Variants in MYO5A observed in about 807,000 individuals in gnomAD.
MYO5A encodes unconventional myosin-Va.
A neutral mutation model predicts 249.7 loss-of-function variants in MYO5A; 98 were observed. The observed-to-expected ratio is 0.39, with a 90% CI of 0.33 to 0.46. The LOEUF (loss-of-function observed/expected upper bound fraction) is 0.46. Among genes scored for constraint, MYO5A ranks in the 20% least tolerant of loss-of-function variants. The probability of loss-of-function intolerance (pLI) is 0.98; values close to 1 mark genes in which losing one functional copy is unlikely to be tolerated. For synonymous variants in MYO5A, 778 were observed against 810.6 expected (o/e 0.96, Z 0.68); for missense variants, 1,696 against 2,308.8 (o/e 0.73, Z 5.44).
intron 2 of MYO5A, among the ~76,000 whole-genome samples, chr15:52,431,805 T>C (rs1348163934): frequency 6.6e-6 from 1 of 151,768 alleles, no homozygotes; most frequent in Non-Finnish European, 1.5e-5. Flanking sequence ...GGGCAACATA[T>C]TGAGACTCCA....
intron 1 of MYO5A, among the ~76,000 whole-genome samples, chr15:52,449,437 C>A (rs2141366845): frequency 6.6e-6 from 1 of 152,292 alleles, no homozygotes; most frequent in African/African-American, 2.4e-5. Context: ...ATATCTATCT[C>A]TACTCAAATT....
chr15:52,427,978 G>A (rs1045682422), intron 3 of MYO5A, among the ~76,000 whole-genome samples: 7 of 152,100 alleles, frequency 4.6e-5, no homozygotes, highest in Admixed American at 1.3e-4. Context: ...TGAGCAAGAC[G>A]AATCACCACG....
At chr15:52,379,169 T>C (rs915691333) in intron 18 of MYO5A, among the ~76,000 whole-genome samples, 6 of 152,188 alleles carry the variant, frequency 3.9e-5, no homozygotes, top group African/African-American at 1.2e-4. Flanking sequence ...CTCCTTCCCA[T>C]AGCTGGACGT....
Position 52,375,397 on chromosome 15 carries a change from A to G in MYO5A, c.2484T>C (p.Tyr828=). 1 of 1,614,182 alleles carries G rather than the reference A, an allele frequency of 6.2e-7. No individual in the cohort carries two copies. Among genetic ancestry groups the G allele is most frequent in the South Asian group, 1.1e-5 (1 of 91,078 alleles). ...ATIIQKYWRM[Y]VVRRRYKIRR... Reference sequence around the variant, plus strand: ...TAATCTTGTACCTCCTGCGGACCACATACATGCGCCAGTACTTTTGAATGA... The same window carrying G: ...TAATCTTGTACCTCCTGCGGACCACGTACATGCGCCAGTACTTTTGAATGA... The change falls in exon 20 of 42, where the codon TAT becomes TAC. Residue 828 remains tyrosine, a synonymous_variant. Coordinates refer to ENST00000399233, the MANE Select transcript of MYO5A (RefSeq NM_001382347.1).
chr15:52,429,658 C>T (rs1266550753), intron 2 of MYO5A, among the ~76,000 whole-genome samples: 1 of 151,794 alleles, frequency 6.6e-6, no homozygotes. Flanking sequence ...TACTGAACTC[C>T]AGCCTGGGCT....
Position 52,384,197 on chromosome 15 carries a change from T to G in MYO5A, c.1878A>C (p.Gln626His). The G allele has an allele frequency of 6.2e-7, 1 of 1,614,192 alleles. No individual in the cohort carries two copies. The highest frequency in any genetic ancestry group is 8.5e-7 in the Non-Finnish European group (1 of 1,180,010). ...CTGTTTTCTTGTGCTCTTTGGCCAT[T>G]TGGCCTGGTCTGCCTTTGGTGGGCT... ...PAKPTKGRPG[Q>H]MAKEHKKTVG... Residue 626 changes from glutamine to histidine, a missense_variant, in exon 15 of 42, where the codon CAA becomes CAC. By Grantham distance (24) the Gln-to-His change is conservative. Transcript: ENST00000399233.
chr15:52,425,789 C>A (rs762408504), intron 4 of MYO5A, 41 bp downstream of exon 4: 3 of 1,605,500 alleles, frequency 1.9e-6, no homozygotes, highest in East Asian at 4.5e-5. Flanking sequence ...ATTATCATAT[C>A]TAATAACTGC....
Position 52,479,056 on chromosome 15 carries a change from C to T in MYO5A, c.28-45771G>A, listed in dbSNP as rs548678862. On this transcript the variant is annotated intron_variant, in intron 1 of 41. Coordinates refer to ENST00000399233, the MANE Select transcript of MYO5A (RefSeq NM_001382347.1). The stretch of plus-strand genomic sequence containing the variant: ...TGTCACCCAGGCTGGAGTGCAGTGG[C>T]GTGATCTCAGCTCACTGTAACCTCT... Among the ~76,000 whole-genome samples the T allele has an allele frequency of 9.9e-5, 15 of 151,914 alleles. No individual in the cohort carries two copies. In the South Asian group the frequency reaches 1.9e-3, roughly 19 times the overall value.
intron 4 of MYO5A, among the ~76,000 whole-genome samples, chr15:52,417,940 A>C (rs1030339296): frequency 6.6e-6 from 1 of 152,228 alleles, no homozygotes; most frequent in Non-Finnish European, 1.5e-5. Context: ...AAGACAGGCC[A>C]ATAATTCAAG....
At chr15:52,418,285 T>C (rs914858153) in intron 4 of MYO5A, among the ~76,000 whole-genome samples, 2 of 152,188 alleles carry the variant, frequency 1.3e-5, no homozygotes, top group African/African-American at 4.8e-5. Flanking sequence ...TCTTCTGACC[T>C]GTTTCCAGAA....
intron 5 of MYO5A, among the ~76,000 whole-genome samples, chr15:52,411,333 C>T (rs2043238557): frequency 6.6e-6 from 1 of 152,170 alleles, no homozygotes; most frequent in Non-Finnish European, 1.5e-5. Context: ...GTATTACCCA[C>T]TCAATTTAAA....
intron 1 of MYO5A, among the ~76,000 whole-genome samples, chr15:52,435,085 A>G (rs1242174672): frequency 6.6e-6 from 1 of 152,208 alleles, no homozygotes; most frequent in African/African-American, 2.4e-5. Context: ...GGAAGCTTGT[A>G]ACAAGGTCAT....
chr15:52,388,462 C>T (rs1250239730), intron 13 of MYO5A, among the ~76,000 whole-genome samples: 5 of 152,170 alleles, frequency 3.3e-5, no homozygotes, highest in Admixed American at 3.3e-4. Context: ...CAGTTGTCTG[C>T]CACTCAAGGG....
intron 1 of MYO5A, among the ~76,000 whole-genome samples, chr15:52,477,854 G>C (rs961736645): frequency 1.3e-5 from 2 of 152,228 alleles, no homozygotes; most frequent in African/African-American, 4.8e-5. Flanking sequence ...GGCTACTCAG[G>C]GGTCAGGGAC....
chr15:52,433,405 G>T, intron 1 of MYO5A, 120 bp from the exon 2 acceptor site: 2 of 422,840 alleles, frequency 4.7e-6, no homozygotes, highest in Non-Finnish European at 8.6e-6. Context: ...TGGCCAACAT[G>T]AAATTCACTT....
intron 1 of MYO5A, among the ~76,000 whole-genome samples, chr15:52,471,592 A>AACACACACACAC (rs111751236): frequency 0.16 from 22,526 of 144,722 alleles, 2,130 homozygotes; most frequent in Middle Eastern, 0.23. Context: ...CTGTCTCTAA[A>AACACACACACAC]ACACACACAC....
intron 39 of MYO5A, among the ~76,000 whole-genome samples, chr15:52,317,888 A>G (rs8035199): frequency 0.095 from 14,408 of 152,290 alleles, 2,119 homozygotes; most frequent in African/African-American, 0.32. Context: ...TGAGGTCAAT[A>G]GACACACAAT....
At position 52,396,296 on chromosome 15, in the gene MYO5A, T is replaced by C. The variant is rs774935173; in HGVS notation, c.1401+20A>G. 22 of 1,369,156 alleles carry C rather than the reference T, an allele frequency of 1.6e-5. No homozygotes were observed. Among genetic ancestry groups the C allele is most frequent in the Non-Finnish European group, 2.3e-5 (22 of 963,960 alleles). The allele number at this position is 1,369,156 out of a possible 1,614,324, so 84.8% of individuals were successfully genotyped here. On this transcript the variant is annotated intron_variant, in intron 11 of 41. Coordinates refer to ENST00000399233, the MANE Select transcript of MYO5A (RefSeq NM_001382347.1). ...AGAATAATTTATAGCAGAGTATTAT[T>C]CAAGGAAGAACATTCTTACCATATT...
chr15:52,494,325 C>T (rs1432168916), intron 1 of MYO5A, among the ~76,000 whole-genome samples: 2 of 152,162 alleles, frequency 1.3e-5, no homozygotes, highest in East Asian at 1.9e-4. Context: ...ACAAAGCCCA[C>T]AGATGTACAA....
Sources: allele counts gnomAD v4.1 joint callset (sites outside exome capture counted in the v4.1 genomes callset), GRCh38; gene constraint gnomAD v4.1.1; transcripts MANE v1.5; gene names NCBI Gene and HGNC (gene_info 2026-07-23, HGNC 2026-07-21).